PTPRA: variants seen among roughly 807,000 people sequenced by gnomAD.
PTPRA encodes the protein receptor-type tyrosine-protein phosphatase alpha.
Under a neutral mutation model 104.8 loss-of-function variants are expected in PTPRA, and 25 were observed. That is an observed-to-expected ratio of 0.24 (90% CI 0.17 to 0.33). The LOEUF (loss-of-function observed/expected upper bound fraction) is 0.33. Among genes scored for constraint, PTPRA ranks in the 10% least tolerant of loss-of-function variants. The pLI, the probability that PTPRA is intolerant of heterozygous loss-of-function variation, is 1.00. For synonymous variants in PTPRA, 323 were observed against 368.9 expected (o/e 0.88, Z 1.43); for missense variants, 765 against 1,015.3 (o/e 0.75, Z 3.35).
intron 9 of PTPRA, among the ~76,000 whole-genome samples, chr20:3,002,249 A>G (rs1182665640): frequency 6.6e-6 from 1 of 151,814 alleles, no homozygotes; most frequent in African/African-American, 2.4e-5. Flanking sequence ...AAAGACAGAA[A>G]CGTTCATTCT....
intron 1 of PTPRA, among the ~76,000 whole-genome samples, chr20:2,898,302 G>A (rs2059097484): frequency 6.6e-6 from 1 of 151,456 alleles, no homozygotes; most frequent in Admixed American, 6.6e-5. Context: ...GGATGGTCTC[G>A]ATCTCCTGAC....
chr20:2,944,803 T>C (rs976956381), intron 2 of PTPRA, among the ~76,000 whole-genome samples: 1 of 152,214 alleles, frequency 6.6e-6, no homozygotes, highest in African/African-American at 2.4e-5. Context: ...TTTCAGAAAT[T>C]TCACTATTGT....
chr20:2,899,637 C>G (rs917599658), intron 1 of PTPRA, among the ~76,000 whole-genome samples: 4 of 152,046 alleles, frequency 2.6e-5, no homozygotes, highest in Non-Finnish European at 5.9e-5. Context: ...TTTCAAGATG[C>G]CAAATCATCA....
At chr20:3,034,605 C>T (rs1333332491) in intron 20 of PTPRA, among the ~76,000 whole-genome samples, 1 of 151,846 alleles carries the variant, frequency 6.6e-6, no homozygotes, top group Non-Finnish European at 1.5e-5. Flanking sequence ...GGCACCGATC[C>T]CTGAGGCATC....
intron 1 of PTPRA, among the ~76,000 whole-genome samples, chr20:2,918,374 A>G (rs1163831697): frequency 6.6e-6 from 1 of 152,184 alleles, no homozygotes; most frequent in Non-Finnish European, 1.5e-5. Flanking sequence ...AAAATAGATC[A>G]GGAGAGCGAT....
At chr20:2,904,650 G>C (rs2059355839) in intron 1 of PTPRA, among the ~76,000 whole-genome samples, 1 of 124,074 alleles carries the variant, frequency 8.1e-6, no homozygotes, top group African/African-American at 3.2e-5. Context: ...CCTGGCTAGA[G>C]AGCAAGACTC....
At chr20:2,934,464 C>T (rs990693059) in intron 2 of PTPRA, among the ~76,000 whole-genome samples, 3 of 152,026 alleles carry the variant, frequency 2.0e-5, no homozygotes, top group African/African-American at 7.2e-5. Flanking sequence ...GTATCTGTAC[C>T]ATTGCCACAT....
rs1010235438 is a variant in PTPRA at position 3,016,913 on chromosome 20, C to T, written c.944-903C>T. 6.4e-4 allele frequency among the ~76,000 whole-genome samples: 98 copies of T among 152,284 alleles called. No homozygotes were observed. The Middle Eastern group carries it at 0.01, about 16-fold the overall frequency. On this transcript the variant is annotated intron_variant, in intron 12 of 23. Coordinates refer to ENST00000399903, the MANE Select transcript of PTPRA (RefSeq NM_001385305.1). ...AGCACCTCCCCCTCAGTCAGACAGA[C>T]GTGTACCCACATATCCTCCCCATTC...
chr20:3,018,035 C>A, intron 13 of PTPRA, 122 bp downstream of exon 13: 1 of 825,320 alleles, frequency 1.2e-6, no homozygotes, highest in Non-Finnish European at 1.9e-6. Context: ...AAGACACAGG[C>A]TGAAGTCTAT....
chr20:2,931,176 T>G (rs1252801862), intron 2 of PTPRA, among the ~76,000 whole-genome samples: 1 of 152,064 alleles, frequency 6.6e-6, no homozygotes, highest in Non-Finnish European at 1.5e-5. Context: ...AAAAGCTCCC[T>G]CTCTCTCCCT....
chr20:3,006,439 A>G (rs771610326), intron 10 of PTPRA, among the ~76,000 whole-genome samples: 2 of 152,166 alleles, frequency 1.3e-5, no homozygotes, highest in African/African-American at 2.4e-5. Flanking sequence ...TTGACCTCCC[A>G]AAGAATTGGG....
At chr20:2,940,559 A>G (rs2060873345) in intron 2 of PTPRA, among the ~76,000 whole-genome samples, 1 of 152,106 alleles carries the variant, frequency 6.6e-6, no homozygotes, top group South Asian at 2.1e-4. Context: ...ACAAGCTCAG[A>G]ATAGGTTTTC....
intron 1 of PTPRA, among the ~76,000 whole-genome samples, chr20:2,897,238 T>C (rs147873704): frequency 3.2e-4 from 49 of 152,340 alleles, no homozygotes; most frequent in African/African-American, 1.1e-3. Flanking sequence ...TTTGAGACTA[T>C]ATAAATAGCT....
At chr20:2,996,701 A>G (rs1176934711) in intron 9 of PTPRA, among the ~76,000 whole-genome samples, 2 of 152,248 alleles carry the variant, frequency 1.3e-5, no homozygotes, top group Non-Finnish European at 2.9e-5. Flanking sequence ...CAGATGGTCT[A>G]TAAAGATATG....
chr20:2,969,129 T>C (rs966009049), intron 5 of PTPRA, among the ~76,000 whole-genome samples: 3 of 152,010 alleles, frequency 2.0e-5, no homozygotes, highest in African/African-American at 7.2e-5. Flanking sequence ...TGAGAATTGC[T>C]TGAACCTGGG....
intron 3 of PTPRA, among the ~76,000 whole-genome samples, chr20:2,952,711 C>CT (rs2147811833): frequency 6.6e-6 from 1 of 152,334 alleles, no homozygotes; most frequent in Non-Finnish European, 1.5e-5. Context: ...CATTTAAACA[C>CT]TAACTTCTCA....
In PTPRA at chr20:3,035,462, TG is replaced by T; in HGVS notation, c.1921-119del. 2.6e-6 allele frequency: 3 copies of T among 1,160,202 alleles called. No individual in the cohort carries two copies. Among genetic ancestry groups the T allele is most frequent in the Non-Finnish European group, 2.4e-6 (2 of 822,122 alleles). The allele number at this position is 1,160,202 out of a possible 1,614,324, so 71.9% of individuals were successfully genotyped here. Reference sequence around the variant, plus strand: ...ATGATCCTGCAAGTTTTCAATACCTTGGGGACGAAGCGTATCAGCGTAAGAG... The same window carrying T: ...ATGATCCTGCAAGTTTTCAATACCTTGGGACGAAGCGTATCAGCGTAAGAG... On this transcript the variant is annotated intron_variant, in intron 20 of 23. Coordinates refer to ENST00000399903, the MANE Select transcript of PTPRA (RefSeq NM_001385305.1). The surrounding 1 kb of genome is among the most constrained non-coding windows in gnomAD (Gnocchi z 5.8).
intron 16 of PTPRA, 122 bp from the exon 17 acceptor site, chr20:3,024,350 C>G: frequency 9.3e-7 from 1 of 1,079,040 alleles, no homozygotes; most frequent in Admixed American, 2.3e-5. Context: ...AGAGGGAGTC[C>G]TTTTATTCCT....
At chr20:2,889,932 G>T (rs1055461617) in intron 1 of PTPRA, among the ~76,000 whole-genome samples, 4 of 152,054 alleles carry the variant, frequency 2.6e-5, no homozygotes, top group African/African-American at 4.8e-5. Flanking sequence ...TGCCCATGCT[G>T]GTGTGCAGTG....
Sources: allele counts gnomAD v4.1 joint callset (sites outside exome capture counted in the v4.1 genomes callset), GRCh38; gene constraint gnomAD v4.1.1; non-coding constraint Gnocchi (gnomAD v3.1); transcripts MANE v1.5; gene names NCBI Gene and HGNC (gene_info 2026-07-23, HGNC 2026-07-21).